The following TTLL5 variants were observed in gnomAD, a reference collection of about 807,000 sequenced individuals.
TTLL5 encodes tubulin polyglutamylase TTLL5.
In TTLL5, 132 loss-of-function variants were observed where a neutral mutation model predicts 168.4. The ratio of observed to expected loss-of-function variants is 0.78; its 90% confidence interval spans 0.68 to 0.91. The LOEUF is 0.91. TTLL5 is among the 40% of genes least tolerant of loss of function. The pLI is 0.00. For missense variants in TTLL5, 1,545 were observed against 1,581.5 expected, an observed-to-expected ratio of 0.98 and a Z score of 0.39; for synonymous variants, 546 against 558.6, an observed-to-expected ratio of 0.98 and a Z score of 0.32.
intron 30 of TTLL5, among the ~76,000 whole-genome samples, chr14:75,888,935 G>A (rs374358845): frequency 9.6e-5 from 14 of 145,604 alleles, no homozygotes; most frequent in East Asian, 4.0e-4. Flanking sequence ...GACTGTCTCC[G>A]AAAAAAAAAA....
At chr14:75,927,599 T>G (rs903659738) in intron 31 of TTLL5, among the ~76,000 whole-genome samples, 8 of 152,214 alleles carry the variant, frequency 5.3e-5, no homozygotes, top group African/African-American at 1.9e-4. Context: ...ACAAATAATT[T>G]GACTGCCTCC....
At chr14:75,675,724 G>T (rs1353672442) in intron 3 of TTLL5, among the ~76,000 whole-genome samples, 3 of 152,146 alleles carry the variant, frequency 2.0e-5, no homozygotes, top group African/African-American at 7.2e-5. Flanking sequence ...TCTTGTCATG[G>T]GAGAGAAAGC....
intron 18 of TTLL5, among the ~76,000 whole-genome samples, chr14:75,760,677 A>G (rs546153977): frequency 2.0e-5 from 3 of 152,212 alleles, no homozygotes; most frequent in South Asian, 2.1e-4. Context: ...CCAATGGTGA[A>G]AGGAAATTAT....
intron 3 of TTLL5, among the ~76,000 whole-genome samples, chr14:75,679,216 T>A (rs1311291988): frequency 6.6e-6 from 1 of 152,184 alleles, no homozygotes; most frequent in African/African-American, 2.4e-5. Flanking sequence ...ACTATCCAAG[T>A]GGGCCCAATG....
intron 7 of TTLL5, among the ~76,000 whole-genome samples, chr14:75,701,870 C>A (rs1197485927): frequency 1.3e-5 from 2 of 152,150 alleles, no homozygotes; most frequent in African/African-American, 4.8e-5. Flanking sequence ...TTACTTTTTC[C>A]TAGCTTTGAT....
intron 28 of TTLL5, among the ~76,000 whole-genome samples, chr14:75,831,410 G>T (rs898374557): frequency 5.3e-5 from 8 of 152,164 alleles, no homozygotes; most frequent in African/African-American, 1.9e-4. Flanking sequence ...AGAGGAAGGG[G>T]TTTTTAAAGC....
At chr14:75,807,704 C>T (rs1311956673) in intron 27 of TTLL5, among the ~76,000 whole-genome samples, 3 of 152,222 alleles carry the variant, frequency 2.0e-5, no homozygotes, top group African/African-American at 7.2e-5. Flanking sequence ...ACTCTGTGCT[C>T]TTTACCTCAG....
chr14:75,683,962 C>T (rs1396523471), intron 5 of TTLL5: 5 of 264,604 alleles, frequency 1.9e-5, no homozygotes, highest in South Asian at 7.7e-5. Context: ...TTGGGAGAGA[C>T]GAGGTTTCGC....
At chr14:75,682,600 T>G (rs1390607064) in intron 4 of TTLL5, among the ~76,000 whole-genome samples, 1 of 151,848 alleles carries the variant, frequency 6.6e-6, no homozygotes, top group Non-Finnish European at 1.5e-5. Flanking sequence ...AACCATGGAG[T>G]AAGTCATTCT....
At chr14:75,886,939 A>G in intron 30 of TTLL5, 1 of 1,425,992 alleles carries the variant, frequency 7.0e-7, no homozygotes, top group South Asian at 1.6e-5. Context: ...GGTGGGGCCA[A>G]AGATGTTGTA....
intron 31 of TTLL5, among the ~76,000 whole-genome samples, chr14:75,916,080 C>G (rs938033524): frequency 6.6e-6 from 1 of 151,384 alleles, no homozygotes; most frequent in Non-Finnish European, 1.5e-5. Context: ...GAGATATGAT[C>G]GGGCTGCTGT....
At chr14:75,669,371 C>G (rs1883537800) in intron 2 of TTLL5, 45 bp from the exon 3 acceptor site, 1 of 1,548,304 alleles carries the variant, frequency 6.5e-7, no homozygotes, top group South Asian at 1.1e-5. Flanking sequence ...GCAGTTAGTT[C>G]AGGTTTTGAG....
chr14:75,927,082 C>T (rs1240941573), intron 31 of TTLL5, among the ~76,000 whole-genome samples: 1 of 152,076 alleles, frequency 6.6e-6, no homozygotes, highest in Non-Finnish European at 1.5e-5. Flanking sequence ...ATGGTTACCC[C>T]ATTTTGTGTT....
intron 27 of TTLL5, among the ~76,000 whole-genome samples, chr14:75,809,681 C>T (rs1254447160): frequency 6.6e-6 from 1 of 152,172 alleles, no homozygotes; most frequent in Non-Finnish European, 1.5e-5. Flanking sequence ...TTTTATCTAA[C>T]TGTATTTTTG....
At chr14:75,694,419 C>T (rs1235365098) in intron 6 of TTLL5, among the ~76,000 whole-genome samples, 1 of 151,096 alleles carries the variant, frequency 6.6e-6, no homozygotes, top group Admixed American at 6.6e-5. Context: ...TCACTGCAAC[C>T]TCTGCCTCCT....
At position 75,748,247 on chromosome 14, in the gene TTLL5, ATTGTT is replaced by A. The variant is rs199960367; in HGVS notation, c.1487+2673_1487+2677del. 2.6e-4 allele frequency among the ~76,000 whole-genome samples: 38 copies of A among 145,864 alleles called. No homozygotes were observed. The East Asian group carries it at 7.5e-3, about 29-fold the overall frequency. ...CTCTCATGTATAGAAGCAGAATTCT[ATTGTT>A]TTGTTTGAATCACTTTTAAACTTTT... is the stretch of plus-strand genomic sequence containing the variant. On this transcript the variant is annotated intron_variant, in intron 17 of 31. Coordinates refer to ENST00000298832, the MANE Select transcript of TTLL5 (RefSeq NM_015072.5).
chr14:75,851,297 T>G (rs987084483), intron 28 of TTLL5, among the ~76,000 whole-genome samples: 2 of 152,160 alleles, frequency 1.3e-5, no homozygotes, highest in Non-Finnish European at 1.5e-5. Flanking sequence ...CAGACGTCTT[T>G]GGTTGTTGGA....
At chr14:75,752,659 CTACA>C (rs1412248060) in intron 17 of TTLL5, among the ~76,000 whole-genome samples, 1 of 151,916 alleles carries the variant, frequency 6.6e-6, no homozygotes, top group Admixed American at 6.6e-5. Context: ...TTTCTGTTTT[CTACA>C]TTAAATCCTC....
In TTLL5 at chr14:75,745,545, G is replaced by T. The variant is rs746377581; in HGVS notation, c.1451G>T (p.Arg484Leu). The T allele has an allele frequency of 1.9e-6, 3 of 1,613,516 alleles. No individual in the cohort carries two copies. Among genetic ancestry groups the T allele is most frequent in the Non-Finnish European group, 2.5e-6 (3 of 1,179,882 alleles). ...EENDRRGGFI[R>L]IFPTSETWEI... is the part of the protein sequence containing the mutation. ...AATGATCGGCGAGGTGGATTTATTC[G>T]CATATTTCCTACATCTGAGACATGG... The change falls in exon 17 of 32, where the codon CGC (arginine) becomes CTC (leucine). Residue 484 changes from arginine (R) to leucine (L), a missense_variant. By Grantham distance (102) the Arg-to-Leu change is moderately radical (BLOSUM62 -2). Transcript: ENST00000298832.
Sources: gnomAD v4.1 joint callset for allele counts (sites outside exome capture counted in the v4.1 genomes callset) on GRCh38, gnomAD v4.1.1 for gene constraint, MANE v1.5 for transcripts, NCBI Gene and HGNC (gene_info 2026-07-23, HGNC 2026-07-21) for gene names.